HSD17B12: variants seen among roughly 807,000 people sequenced by gnomAD.
HSD17B12 encodes very-long-chain 3-oxoacyl-CoA reductase.
HSD17B12 carries 32 observed loss-of-function variants against 39.3 expected under a neutral mutation model. The ratio of observed to expected loss-of-function variants is 0.81; its 90% CI spans 0.61 to 1.09. The LOEUF (loss-of-function observed/expected upper bound fraction) is 1.09. Among genes scored for constraint, HSD17B12 ranks in the 50% least tolerant of loss-of-function variants. The pLI is 0.00. For missense variants in HSD17B12, 342 were observed against 382.9 expected, an observed-to-expected ratio of 0.89 and a Z score of 0.89; for synonymous variants, 150 against 146.7, an observed-to-expected ratio of 1.02 and a Z score of -0.16.
At chr11:43,618,683 C>A in the HSD17B12 span, among the ~76,000 whole-genome samples, 3 of 152,238 alleles carry the variant, frequency 2.0e-5, no homozygotes, top group East Asian at 5.8e-4. Context: ...CAAAACAAGT[C>A]AGGGTATGCC....
At chr11:43,579,266 G>C in the HSD17B12 span, 1 of 152,154 alleles carries the variant, frequency 6.6e-6, no homozygotes, top group Non-Finnish European at 1.5e-5. Context: ...GCTAAGCGAC[G>C]AGTCTTCAAC....
chr11:43,825,607 T>C (rs189878810), intron 6 of HSD17B12, among the ~76,000 whole-genome samples: 1 of 152,322 alleles, frequency 6.6e-6, no homozygotes, highest in African/African-American at 2.4e-5. Flanking sequence ...CTAATCCCCA[T>C]CCATGGCTTT....
chr11:43,657,581 T>C, the HSD17B12 span, among the ~76,000 whole-genome samples: 1 of 152,188 alleles, frequency 6.6e-6, no homozygotes, highest in South Asian at 2.1e-4. Flanking sequence ...TCAGGAGCTC[T>C]TTTAGGGCAG....
chr11:43,690,381 TATATATATATATATATA>T (rs1949845499), intron 1 of HSD17B12, among the ~76,000 whole-genome samples: 13 of 13,828 alleles, frequency 9.4e-4, no homozygotes, highest in East Asian at 2.7e-3. Flanking sequence ...TATATATATA[TATATATATATATATATA>T]TATATATTTT....
chr11:43,738,568 G>T (rs183934905), intron 1 of HSD17B12, among the ~76,000 whole-genome samples: 1 of 152,284 alleles, frequency 6.6e-6, no homozygotes, highest in African/African-American at 2.4e-5. Flanking sequence ...AGAGTGTAGG[G>T]GTTGTGTAAT....
At chr11:43,768,366 T>C (rs774777499) in intron 3 of HSD17B12, among the ~76,000 whole-genome samples, 12 of 152,240 alleles carry the variant, frequency 7.9e-5, no homozygotes, top group South Asian at 2.1e-4. Flanking sequence ...TTGTATTCAT[T>C]TATTTAGAGA....
At chr11:43,581,542 C>G in the HSD17B12 span, 51 of 443,692 alleles carry the variant, frequency 1.1e-4, no homozygotes, top group African/African-American at 9.6e-4. The surrounding 1 kb of genome is among the most constrained non-coding windows in gnomAD (Gnocchi z 4.9). Context: ...CTTCCCGAAG[C>G]TGCTCCATCC....
chr11:43,792,339 T>G (rs1163932816), intron 3 of HSD17B12, among the ~76,000 whole-genome samples: 6 of 152,214 alleles, frequency 3.9e-5, no homozygotes, highest in Admixed American at 3.9e-4. Context: ...GAGAGGTTTT[T>G]TAAAAAACGT....
At chr11:43,660,150 C>G in the HSD17B12 span, among the ~76,000 whole-genome samples, 1 of 152,160 alleles carries the variant, frequency 6.6e-6, no homozygotes, top group Non-Finnish European at 1.5e-5. Flanking sequence ...TTCCTCTTCT[C>G]CCAAGGAGTT....
rs1017308065 is a variant in HSD17B12 at position 43,796,352 on chromosome 11, G to GA, written c.284-1957dup. Among the ~76,000 whole-genome samples, 201 of 142,444 alleles carry GA rather than the reference G, an allele frequency of 1.4e-3. 2 individuals carry two copies. Among genetic ancestry groups the GA allele is most frequent in the African/African-American group, 3.9e-3 (151 of 38,936 alleles). 93.4% of individuals were successfully genotyped at this position (142,444 alleles called of 152,430 possible). On this transcript the variant is annotated intron_variant, in intron 3 of 10. Transcript: ENST00000278353. ...AGGCTTGAGACCCCATCTCTTAAAAGAAAAAAAAAAATGGAAAGGCTCACA... is the reference window on the plus strand; with the variant it reads ...AGGCTTGAGACCCCATCTCTTAAAAGAAAAAAAAAAAATGGAAAGGCTCACA...
intron 9 of HSD17B12, chr11:43,852,397 T>C (rs1590351477): frequency 6.6e-6 from 1 of 151,626 alleles, no homozygotes; most frequent in South Asian, 2.1e-4. Context: ...GATTAGACCA[T>C]CTCTACCTCT....
the HSD17B12 span, among the ~76,000 whole-genome samples, chr11:43,647,964 T>C: frequency 2.0e-5 from 3 of 152,208 alleles, no homozygotes; most frequent in Non-Finnish European, 4.4e-5. Context: ...ATTGGATGAT[T>C]TTTATGGGTA....
intron 1 of HSD17B12, among the ~76,000 whole-genome samples, chr11:43,737,415 A>G (rs768110808): frequency 6.6e-6 from 1 of 152,196 alleles, no homozygotes; most frequent in Non-Finnish European, 1.5e-5. Context: ...AGTTGCCAGT[A>G]TTTTATATAA....
rs532292098 is a variant in HSD17B12 at position 43,727,816 on chromosome 11, T to G, written c.161-23095T>G. Among the ~76,000 whole-genome samples, 4 of 152,314 alleles carry G rather than the reference T, an allele frequency of 2.6e-5. No individual in the cohort carries two copies. In the East Asian group the frequency reaches 7.7e-4, roughly 29 times the overall value. ...CCTTTTTTCCTCCACTTTGCCAGTGTGCTTCTTGATCTCAGGTTGGGAGAG... is the reference window on the plus strand; with the variant it reads ...CCTTTTTTCCTCCACTTTGCCAGTGGGCTTCTTGATCTCAGGTTGGGAGAG... On this transcript the variant is annotated intron_variant, in intron 1 of 10. Transcript: ENST00000278353.
the HSD17B12 span, among the ~76,000 whole-genome samples, chr11:43,671,492 G>A: frequency 3.5e-4 from 53 of 152,274 alleles, no homozygotes; most frequent in Middle Eastern, 3.4e-3. Flanking sequence ...CTTTCACACG[G>A]TTTTAAACTG....
the HSD17B12 span, among the ~76,000 whole-genome samples, chr11:43,635,380 A>G: frequency 6.6e-6 from 1 of 152,254 alleles, no homozygotes; most frequent in Admixed American, 6.5e-5. Flanking sequence ...ATAAACTAAT[A>G]GAGAATGAAA....
chr11:43,663,282 T>A, the HSD17B12 span, among the ~76,000 whole-genome samples: 1 of 152,174 alleles, frequency 6.6e-6, no homozygotes, highest in Admixed American at 6.5e-5. Flanking sequence ...GTATTTTTAG[T>A]AGCGACAGGG....
chr11:43,815,386 A>C, intron 4 of HSD17B12, 51 bp from the exon 5 acceptor site: 1 of 990,560 alleles, frequency 1.0e-6, no homozygotes, highest in Non-Finnish European at 1.5e-6. Context: ...ATTTTAACAA[A>C]TCTTTAAAAT....
chr11:43,761,151 T>C (rs111479718), intron 3 of HSD17B12, among the ~76,000 whole-genome samples: 5,714 of 152,314 alleles, frequency 0.038, 356 homozygotes, highest in African/African-American at 0.13. Context: ...TCCTTACTAG[T>C]GGGCTTGTCA....
Sources: allele counts gnomAD v4.1 joint callset (sites outside exome capture counted in the v4.1 genomes callset), GRCh38; gene constraint gnomAD v4.1.1; non-coding constraint Gnocchi (gnomAD v3.1); transcripts MANE v1.5; gene names NCBI Gene and HGNC (gene_info 2026-07-23, HGNC 2026-07-21).